Variants in SYNDIG1 observed in about 807,000 individuals in gnomAD.
The protein encoded by SYNDIG1 is synapse differentiation inducing 1, also known as synapse differentiation-inducing gene protein 1.
SYNDIG1 carries 9 observed loss-of-function variants against 19.4 expected under a neutral mutation model. The ratio of observed to expected loss-of-function variants is 0.46; its 90% confidence interval spans 0.28 to 0.81. The LOEUF is 0.81. Ranked by LOEUF, SYNDIG1 falls within the 30% of genes least tolerant of loss-of-function variation. SYNDIG1 has a pLI of 0.12. For synonymous variants in SYNDIG1, 141 were observed against 145.9 expected, an observed-to-expected ratio of 0.97 and a Z score of 0.24; for missense variants, 311 against 343.3, an observed-to-expected ratio of 0.91 and a Z score of 0.74.
chr20:24,635,822 G>T (rs903115977), intron 3 of SYNDIG1, among the ~76,000 whole-genome samples: 1 of 152,086 alleles, frequency 6.6e-6, no homozygotes, highest in Non-Finnish European at 1.5e-5. Flanking sequence ...TCCACACTCA[G>T]CCATTTGCAT....
chr20:24,515,092 A>G (rs2056833199), intron 1 of SYNDIG1, among the ~76,000 whole-genome samples: 1 of 152,260 alleles, frequency 6.6e-6, no homozygotes, highest in South Asian at 2.1e-4. Flanking sequence ...ACAAAGACAC[A>G]ACATACCAGA....
At chr20:24,599,138 GA>G (rs527820604) in intron 3 of SYNDIG1, among the ~76,000 whole-genome samples, 1 of 151,774 alleles carries the variant, frequency 6.6e-6, no homozygotes, top group African/African-American at 2.4e-5. Flanking sequence ...CAAACAACAG[GA>G]AAAAAACCTA....
At chr20:24,536,923 G>A (rs1192553109) in intron 1 of SYNDIG1, among the ~76,000 whole-genome samples, 1 of 152,102 alleles carries the variant, frequency 6.6e-6, no homozygotes, top group Admixed American at 6.5e-5. Context: ...CCTTCTTACT[G>A]CCCAAAAGCA....
chr20:24,541,200 G>T (rs1600566957), intron 1 of SYNDIG1, among the ~76,000 whole-genome samples: 1 of 152,100 alleles, frequency 6.6e-6, no homozygotes, highest in Non-Finnish European at 1.5e-5. Context: ...CTCTGGCCTC[G>T]TGACTTTTAG....
Position 24,665,413 on chromosome 20 carries a change from T to C in SYNDIG1, c.686T>C (p.Leu229Pro). ...ACCAGCTCCCGGCGGGCCCTATTCCTGGCAGTGCTGTCCATCACCATTGGG... is the reference window on the plus strand; with the variant it reads ...ACCAGCTCCCGGCGGGCCCTATTCCCGGCAGTGCTGTCCATCACCATTGGG... ...ASTSSRRALF[L>P]AVLSITIGTG... Residue 229 changes from leucine to proline, a missense_variant, in exon 4 of 4, where the codon CTG (leucine) becomes CCG (proline). Physicochemically the swap from Leu to Pro is moderately conservative, Grantham distance 98. Coordinates refer to ENST00000376862, the MANE Select transcript of SYNDIG1 (RefSeq NM_024893.3). The C allele has an allele frequency of 1.9e-6, 3 of 1,613,326 alleles. No individual in the cohort carries two copies. Among genetic ancestry groups the C allele is most frequent in the Non-Finnish European group, 1.7e-6 (2 of 1,179,738 alleles).
chr20:24,475,945 C>A (rs968261093), intron 1 of SYNDIG1, among the ~76,000 whole-genome samples: 3 of 151,828 alleles, frequency 2.0e-5, no homozygotes, highest in African/African-American at 4.8e-5. Context: ...ACTGCAACCT[C>A]CGCCTCCCGG....
chr20:24,606,765 G>A (rs1009567932), intron 3 of SYNDIG1, among the ~76,000 whole-genome samples: 1 of 152,182 alleles, frequency 6.6e-6, no homozygotes, highest in African/African-American at 2.4e-5. Context: ...ATCAGTGGGG[G>A]CCAGGCTGCC....
intron 2 of SYNDIG1, among the ~76,000 whole-genome samples, chr20:24,548,640 C>T (rs2057639916): frequency 6.6e-6 from 1 of 152,156 alleles, no homozygotes; most frequent in African/African-American, 2.4e-5. Flanking sequence ...TTTTTAGTAT[C>T]TCCAGAGAGA....
At chr20:24,612,588 A>G (rs1392742184) in intron 3 of SYNDIG1, among the ~76,000 whole-genome samples, 2 of 152,242 alleles carry the variant, frequency 1.3e-5, no homozygotes, top group Non-Finnish European at 2.9e-5. Flanking sequence ...ACAGAATTCA[A>G]AAGCTAGGAG....
intron 3 of SYNDIG1, among the ~76,000 whole-genome samples, chr20:24,619,839 T>A (rs2059011722): frequency 6.6e-6 from 1 of 152,210 alleles, no homozygotes; most frequent in Admixed American, 6.5e-5. Context: ...AAATCAGGGT[T>A]CTGTATCTTC....
At chr20:24,528,398 T>C (rs1189775570) in intron 1 of SYNDIG1, among the ~76,000 whole-genome samples, 1 of 152,238 alleles carries the variant, frequency 6.6e-6, no homozygotes, top group Non-Finnish European at 1.5e-5. Flanking sequence ...CTTCTGCTGT[T>C]ACAACAAAAT....
chr20:24,560,723 G>T (rs1912320790), intron 2 of SYNDIG1, among the ~76,000 whole-genome samples: 3 of 134,962 alleles, frequency 2.2e-5, no homozygotes, highest in Admixed American at 8.0e-5. Flanking sequence ...TTTAAACTAG[G>T]TATGGGTCAT....
intron 1 of SYNDIG1, among the ~76,000 whole-genome samples, chr20:24,485,565 A>T (rs183657897): frequency 2.6e-4 from 39 of 152,328 alleles, no homozygotes; most frequent in African/African-American, 9.4e-4. Context: ...GCTAATTTTG[A>T]TATAATTTGG....
intron 3 of SYNDIG1, among the ~76,000 whole-genome samples, chr20:24,640,449 TGAAGGAAGAAGGGAGGGAGGGAAA>T (rs2059362781): frequency 1.0e-5 from 1 of 98,742 alleles, no homozygotes; most frequent in Non-Finnish European, 1.9e-5. Flanking sequence ...GGGAAGGAAA[TGAAGGAAGAAGGGAGGGAGGGAAA>T]GAAGGAAGGA....
At chr20:24,623,051 ACT>A (rs2059063079) in intron 3 of SYNDIG1, among the ~76,000 whole-genome samples, 1 of 152,082 alleles carries the variant, frequency 6.6e-6, no homozygotes. Flanking sequence ...AAACTGTGCA[ACT>A]CTGTAATCTG....
At chr20:24,642,279 G>T (rs879290096) in intron 3 of SYNDIG1, among the ~76,000 whole-genome samples, 9 of 152,142 alleles carry the variant, frequency 5.9e-5, no homozygotes, top group East Asian at 1.9e-4. Context: ...TTAGACTGAG[G>T]TTATAGACTT....
intron 3 of SYNDIG1, among the ~76,000 whole-genome samples, chr20:24,599,082 A>G (rs1416587801): frequency 1.3e-5 from 2 of 152,196 alleles, no homozygotes; most frequent in East Asian, 3.8e-4. Flanking sequence ...ATATTTGCAA[A>G]CTAGACATCT....
chr20:24,508,954 A>G (rs903220846), intron 1 of SYNDIG1, among the ~76,000 whole-genome samples: 1 of 152,238 alleles, frequency 6.6e-6, no homozygotes, highest in African/African-American at 2.4e-5. Context: ...CCACAACCCA[A>G]CACATTCATG....
intron 3 of SYNDIG1, among the ~76,000 whole-genome samples, chr20:24,595,423 T>A (rs1204224416): frequency 6.6e-6 from 1 of 152,182 alleles, no homozygotes; most frequent in African/African-American, 2.4e-5. Context: ...AATTTTTACA[T>A]CTATGTTTAT....
Sources: allele counts gnomAD v4.1 joint callset (sites outside exome capture counted in the v4.1 genomes callset), GRCh38; gene constraint gnomAD v4.1.1; transcripts MANE v1.5; gene names NCBI Gene and HGNC (gene_info 2026-07-23, HGNC 2026-07-21).